Variants in PACC1 observed in about 807,000 individuals in gnomAD.
PACC1 encodes the protein proton-activated chloride channel.
Under a neutral mutation model 39.7 loss-of-function variants are expected in PACC1, and 34 were observed. That is an observed-to-expected ratio of 0.86 (90% CI 0.65 to 1.14). The LOEUF is 1.14. Among genes scored for constraint, PACC1 ranks in the 50% most tolerant of loss-of-function variants. The probability of loss-of-function intolerance (pLI) is 0.00; values close to 1 mark genes in which losing one functional copy is unlikely to be tolerated. For missense variants in PACC1, 379 were observed against 436.4 expected (o/e 0.87, Z 1.17); for synonymous variants, 127 against 160.6 (o/e 0.79, Z 1.58).
chr1:212,369,338 G>GCCGTA (rs1660360295), intron 7 of PACC1, among the ~76,000 whole-genome samples: 1 of 152,148 alleles, frequency 6.6e-6, no homozygotes, highest in African/African-American at 2.4e-5. Context: ...AAACGAAATA[G>GCCGTA]CCGTAGTAAG....
At chr1:212,396,717 A>C (rs550604202) in intron 2 of PACC1, among the ~76,000 whole-genome samples, 14 of 151,466 alleles carry the variant, frequency 9.2e-5, no homozygotes, top group African/African-American at 3.4e-4. Flanking sequence ...AAAAAAAAAA[A>C]AACCATCCCG....
rs3767862 is a variant in PACC1, at chr1:212,364,360, G to A, written c.*855C>T. ...CTGGAAGCAGTTAGAACATACCTTG[G>A]GAGTCAGATCCATCTTGGGAGTCCA... On this transcript the variant is annotated 3_prime_UTR_variant, in exon 8 of 8. Transcript: ENST00000261455. The A allele has an allele frequency of 0.3, 45,139 of 151,692 alleles. 7,232 individuals are homozygous for A. Among genetic ancestry groups the A allele is most frequent in the Non-Finnish European group, 0.37 (25,150 of 67,816 alleles). 9.4% of individuals were successfully genotyped at this position (151,692 alleles called of 1,614,324 possible).
chr1:212,404,102 A>AT (rs1193600889), intron 2 of PACC1, among the ~76,000 whole-genome samples: 2 of 151,042 alleles, frequency 1.3e-5, no homozygotes, highest in Non-Finnish European at 3.0e-5. Flanking sequence ...CAATCCTTTT[A>AT]TTTTTTATTT....
In PACC1 at chr1:212,379,892, C is replaced by T. The variant is rs753160573; in HGVS notation, c.638+3G>A. 6.2e-7 allele frequency: 1 copy of T among 1,614,074 alleles called. No homozygotes were observed. Among genetic ancestry groups the T allele is most frequent in the South Asian group, 1.1e-5 (1 of 91,070 alleles). On this transcript the variant is annotated splice_donor_region_variant and intron_variant, in intron 5 of 7. Transcript: ENST00000261455. The stretch of plus-strand genomic sequence containing the variant: ...AAGCCCACTGTGAACTCTAAAAGCC[C>T]ACCTTTGCAGGAACTCCTGGAAAGA...
chr1:212,392,517 G>A (rs997311595), intron 2 of PACC1, among the ~76,000 whole-genome samples: 1 of 152,184 alleles, frequency 6.6e-6, no homozygotes, highest in African/African-American at 2.4e-5. Context: ...TCAATGCTAG[G>A]AAGAAACTAC....
chr1:212,366,072 C>T (rs150423842), intron 7 of PACC1, among the ~76,000 whole-genome samples: 7 of 152,288 alleles, frequency 4.6e-5, no homozygotes, highest in Non-Finnish European at 8.8e-5. Context: ...TCTAGGTTTA[C>T]TCATCCTTCA....
At chr1:212,406,217 T>C (rs1661910857) in intron 2 of PACC1, among the ~76,000 whole-genome samples, 1 of 150,592 alleles carries the variant, frequency 6.6e-6, no homozygotes, top group African/African-American at 2.4e-5. Context: ...TTATTATTAT[T>C]ATTAGAAGAC....
chr1:212,370,970 G>A (rs1220841301), intron 7 of PACC1, among the ~76,000 whole-genome samples: 8 of 152,076 alleles, frequency 5.3e-5, no homozygotes, highest in South Asian at 2.1e-4. Context: ...GTTTGAGGCC[G>A]GGCGCAGTGG....
At chr1:212,394,134 C>A (rs1428087632) in intron 2 of PACC1, among the ~76,000 whole-genome samples, 1 of 151,378 alleles carries the variant, frequency 6.6e-6, no homozygotes, top group Admixed American at 6.6e-5. Context: ...GACACAACAA[C>A]AAAAGAGAAT....
At chr1:212,393,360 C>A (rs1033346124) in intron 2 of PACC1, among the ~76,000 whole-genome samples, 1 of 152,162 alleles carries the variant, frequency 6.6e-6, no homozygotes, top group Non-Finnish European at 1.5e-5. Context: ...GAAATGAAGG[C>A]AGAAATAAAG....
rs778397571 is a variant in PACC1 at position 212,377,613 on chromosome 1, CA to C, written c.731del (p.Leu244ArgfsTer2). ...GCCCATCCTCCTCCTTGGTCTTTAC[CA>C]GTGACATCTTGACCCAGGTGCGGAA... ...GGFRTWVKMS[L>X]VKTKEEDGRE... On this transcript the variant is annotated frameshift_variant, in exon 6 of 8. Coordinates refer to ENST00000261455, the MANE Select transcript of PACC1 (RefSeq NM_018252.3). LOFTEE classifies it high-confidence loss of function. 1 of 1,614,200 alleles carries C rather than the reference CA, an allele frequency of 6.2e-7. No individual in the cohort carries two copies. The highest frequency in any genetic ancestry group is 1.1e-5 in the South Asian group (1 of 91,084).
chr1:212,391,218 G>A (rs972683139), intron 2 of PACC1, among the ~76,000 whole-genome samples: 2 of 152,112 alleles, frequency 1.3e-5, no homozygotes, highest in African/African-American at 2.4e-5. Flanking sequence ...CATCTCACAC[G>A]GCCAGGTACC....
chr1:212,375,332 A>G (rs372399127), intron 6 of PACC1, 32 bp from the exon 7 acceptor site: 4 of 1,489,736 alleles, frequency 2.7e-6, no homozygotes, highest in Admixed American at 1.7e-5. Context: ...CAGTGTTACC[A>G]CCTCTGTGTG....
At chr1:212,399,663 C>T (rs1289647728) in intron 2 of PACC1, among the ~76,000 whole-genome samples, 3 of 152,110 alleles carry the variant, frequency 2.0e-5, no homozygotes, top group South Asian at 2.1e-4. Flanking sequence ...CCATCTCAGC[C>T]TCCTGAGTAG....
At chr1:212,402,032 T>C (rs1340887208) in intron 2 of PACC1, among the ~76,000 whole-genome samples, 2 of 152,246 alleles carry the variant, frequency 1.3e-5, no homozygotes, top group African/African-American at 4.8e-5. Flanking sequence ...ACCATTTTAC[T>C]TATCCATTCA....
At position 212,414,878 on chromosome 1, in the gene PACC1, G is replaced by A; in HGVS notation, c.-121C>T. ...CGAGGCGAAACCGGTCCGGAGGGGC[G>A]TCCCAGAGACCAGGCGTGGCGATAC... On this transcript the variant is annotated 5_prime_UTR_variant, in exon 1 of 8. It adds an upstream start codon to the 5' untranslated region. Transcript: ENST00000261455. The A allele has an allele frequency of 3.8e-6, 5 of 1,327,918 alleles. No individual in the cohort carries two copies. Among genetic ancestry groups the A allele is most frequent in the East Asian group, 2.5e-5 (1 of 40,544 alleles). 82.3% of individuals were successfully genotyped at this position (1,327,918 alleles called of 1,614,324 possible).
chr1:212,413,491 G>C (rs1662209432), intron 1 of PACC1, among the ~76,000 whole-genome samples: 1 of 152,202 alleles, frequency 6.6e-6, no homozygotes, highest in Non-Finnish European at 1.5e-5. Flanking sequence ...GACCCCTATG[G>C]AACACATGGA....
At chr1:212,396,250 T>C (rs1661512310) in intron 2 of PACC1, among the ~76,000 whole-genome samples, 1 of 152,206 alleles carries the variant, frequency 6.6e-6, no homozygotes, top group Non-Finnish European at 1.5e-5. Flanking sequence ...TGGCATACTA[T>C]GCAGCCATAA....
intron 2 of PACC1, among the ~76,000 whole-genome samples, chr1:212,389,008 A>G (rs1352677470): frequency 6.6e-6 from 1 of 152,232 alleles, no homozygotes. Context: ...GAAAACAATT[A>G]TAAACTTTGG....
Sources: gnomAD v4.1 joint callset for allele counts (sites outside exome capture counted in the v4.1 genomes callset) on GRCh38, gnomAD v4.1.1 for gene constraint, MANE v1.5 for transcripts, NCBI Gene and HGNC (gene_info 2026-07-23, HGNC 2026-07-21) for gene names.